The following EVA1C variants were observed in gnomAD, a reference collection of about 807,000 sequenced individuals.
EVA1C encodes the protein protein eva-1 homolog C.
A neutral mutation model predicts 45.4 loss-of-function variants in EVA1C; 25 were observed. The ratio of observed to expected loss-of-function variants is 0.55; its 90% CI spans 0.40 to 0.77. The LOEUF is 0.77. Among genes scored for constraint, EVA1C ranks in the 30% least tolerant of loss-of-function variants. The pLI is 0.00. For missense variants in EVA1C, 479 were observed against 554.8 expected (o/e 0.86, Z 1.37); for synonymous variants, 190 against 221.2 (o/e 0.86, Z 1.25).
chr21:32,485,281 A>G (rs2036936005), intron 4 of EVA1C, among the ~76,000 whole-genome samples: 1 of 151,992 alleles, frequency 6.6e-6, no homozygotes, highest in Admixed American at 6.6e-5. Flanking sequence ...CCCAGGTTCA[A>G]GCGACTCTCC....
intron 4 of EVA1C, among the ~76,000 whole-genome samples, chr21:32,470,446 C>T (rs1038553113): frequency 1.3e-5 from 2 of 152,232 alleles, no homozygotes; most frequent in East Asian, 1.9e-4. Context: ...CATTCCTGTC[C>T]TGACAGGCTC....
intron 4 of EVA1C, among the ~76,000 whole-genome samples, chr21:32,477,055 T>C (rs1399592947): frequency 6.6e-6 from 1 of 151,888 alleles, no homozygotes. Flanking sequence ...GTTACATCCA[T>C]ATGGAAAGGG....
chr21:32,512,327 G>A (rs1455316388), intron 7 of EVA1C, among the ~76,000 whole-genome samples: 1 of 152,174 alleles, frequency 6.6e-6, no homozygotes, highest in Non-Finnish European at 1.5e-5. Context: ...TAAGGATTAT[G>A]GGTAATTTAA....
intron 4 of EVA1C, among the ~76,000 whole-genome samples, chr21:32,492,415 G>A (rs943534364): frequency 6.6e-6 from 1 of 152,152 alleles, no homozygotes; most frequent in Admixed American, 6.5e-5. Flanking sequence ...ATCCTTTCTA[G>A]AAGGCTGACT....
rs760011099 is a variant in EVA1C, at chr21:32,515,074, A to T, written c.1210A>T (p.Ile404Leu). ...GACTTCATATCCTATATACAGTTCC[A>T]TAGAAGCTGCAGAGCTCGCAGAAAG... The part of the protein sequence containing the change: ...CRTSYPIYSS[I>L]EAAELAERIE... The change falls in exon 8 of 8, where the codon ATA (isoleucine) becomes TTA (leucine). Residue 404 changes from isoleucine to leucine, a missense_variant. Ile to Leu is a conservative substitution (Grantham distance 5). Coordinates refer to ENST00000300255, the MANE Select transcript of EVA1C (RefSeq NM_058187.5). 1 of 1,614,182 alleles carries T rather than the reference A, an allele frequency of 6.2e-7. No individual in the cohort carries two copies. Among genetic ancestry groups the T allele is most frequent in the South Asian group, 1.1e-5 (1 of 91,082 alleles).
chr21:32,457,754 G>GGT, intron 3 of EVA1C, 34 bp downstream of exon 3: 1 of 1,612,598 alleles, frequency 6.2e-7, no homozygotes, highest in Non-Finnish European at 8.5e-7. Flanking sequence ...GTGTGTTTGG[G>GGT]GTGTGGTTCT....
rs145687833 is a variant in EVA1C at position 32,443,172 on chromosome 21, C to T, written c.161-10140C>T. Reference sequence around the variant, plus strand: ...TGCTCAGAGCTGAGAGGGCTGGCCGCGAGTGTAATTTGATTAGAGCTGGAT... The same window carrying T: ...TGCTCAGAGCTGAGAGGGCTGGCCGTGAGTGTAATTTGATTAGAGCTGGAT... On this transcript the variant is annotated intron_variant, in intron 1 of 7. Transcript: ENST00000300255. Among the ~76,000 whole-genome samples the T allele has an allele frequency of 5.7e-3, 863 of 152,102 alleles. 6 individuals carry two copies. The highest frequency in any genetic ancestry group is 0.019 in the African/African-American group (794 of 41,470).
intron 1 of EVA1C, among the ~76,000 whole-genome samples, chr21:32,414,264 G>C (rs2033949717): frequency 6.6e-6 from 1 of 152,182 alleles, no homozygotes; most frequent in South Asian, 2.1e-4. Context: ...TGTGGTAAGA[G>C]TTGTGGGGAA....
chr21:32,441,075 C>T (rs2035157869), intron 1 of EVA1C, among the ~76,000 whole-genome samples: 1 of 152,164 alleles, frequency 6.6e-6, no homozygotes, highest in African/African-American at 2.4e-5. Context: ...GCAGTCCAGC[C>T]TGGGCAAGAA....
chr21:32,492,709 GT>G (rs56851883), intron 4 of EVA1C, among the ~76,000 whole-genome samples: 65,507 of 147,658 alleles, frequency 0.44, 14,745 homozygotes, highest in East Asian at 0.54. Flanking sequence ...GTTTTCTTTT[GT>G]TTTTTTTTTT....
chr21:32,468,947 A>G (rs2036279009), intron 4 of EVA1C, among the ~76,000 whole-genome samples: 1 of 152,178 alleles, frequency 6.6e-6, no homozygotes, highest in Admixed American at 6.5e-5. Flanking sequence ...TCCCCAAGAA[A>G]GGAAGCTATG....
intron 4 of EVA1C, among the ~76,000 whole-genome samples, chr21:32,469,443 G>A (rs1222516287): frequency 1.3e-5 from 2 of 152,222 alleles, no homozygotes. Context: ...AGGCTGGACT[G>A]TAGCTGGGTA....
chr21:32,484,345 A>G (rs1811889467), intron 4 of EVA1C, among the ~76,000 whole-genome samples: 1 of 152,004 alleles, frequency 6.6e-6, no homozygotes, highest in Admixed American at 6.5e-5. Context: ...AGGGCTGGAG[A>G]CCAGCCTGAC....
chr21:32,463,442 A>G (rs1223242798), intron 3 of EVA1C, among the ~76,000 whole-genome samples: 1 of 152,218 alleles, frequency 6.6e-6, no homozygotes, highest in Non-Finnish European at 1.5e-5. Flanking sequence ...ATTTTTTATA[A>G]TCCAGAAATG....
chr21:32,440,167 T>G (rs1411256289), intron 1 of EVA1C, among the ~76,000 whole-genome samples: 3 of 152,098 alleles, frequency 2.0e-5, no homozygotes, highest in Admixed American at 6.5e-5. Flanking sequence ...ACCACTAATC[T>G]GGCCAATTCC....
At chr21:32,426,172 G>A (rs1019544397) in intron 1 of EVA1C, among the ~76,000 whole-genome samples, 1 of 152,044 alleles carries the variant, frequency 6.6e-6, no homozygotes, top group African/African-American at 2.4e-5. Flanking sequence ...TTTCCTCCAA[G>A]GACCTTGTCT....
At chr21:32,413,147 G>C (rs1279847075) in intron 1 of EVA1C, 134 bp downstream of exon 1, 5 of 731,536 alleles carry the variant, frequency 6.8e-6, no homozygotes, top group Non-Finnish European at 9.7e-6. Flanking sequence ...ACACTTGTCT[G>C]GTGTGAGCCC....
At chr21:32,443,692 A>G (rs552874616) in intron 1 of EVA1C, among the ~76,000 whole-genome samples, 3 of 152,238 alleles carry the variant, frequency 2.0e-5, no homozygotes, top group Admixed American at 6.5e-5. Flanking sequence ...AGAGGTGGCT[A>G]TCACAGTCAT....
chr21:32,494,265 C>A (rs2037267333), intron 4 of EVA1C, among the ~76,000 whole-genome samples: 1 of 152,176 alleles, frequency 6.6e-6, no homozygotes, highest in African/African-American at 2.4e-5. Context: ...TATTTACTTG[C>A]CTTCTACAGT....
Sources: allele counts gnomAD v4.1 joint callset (sites outside exome capture counted in the v4.1 genomes callset), GRCh38; gene constraint gnomAD v4.1.1; transcripts MANE v1.5; gene names NCBI Gene and HGNC (gene_info 2026-07-23, HGNC 2026-07-21).